Variants in RBFOX1 observed in about 807,000 individuals in gnomAD.
The protein encoded by RBFOX1 is RNA binding fox-1 homolog 1.
A neutral mutation model predicts 57.7 loss-of-function variants in RBFOX1; 8 were observed. The observed-to-expected ratio is 0.14, with a 90% CI of 0.08 to 0.25. RBFOX1 has a LOEUF of 0.25. RBFOX1 is among the 10% of genes least tolerant of loss of function. The pLI, the probability that RBFOX1 is intolerant of heterozygous loss-of-function variation, is 1.00. For synonymous variants in RBFOX1, 326 were observed against 222.4 expected, an observed-to-expected ratio of 1.47 and a Z score of -4.15; for missense variants, 611 against 548.5, an observed-to-expected ratio of 1.11 and a Z score of -1.14.
At chr16:6,760,254 A>G (rs1273276131) in intron 3 of RBFOX1, among the ~76,000 whole-genome samples, 2 of 152,212 alleles carry the variant, frequency 1.3e-5, no homozygotes, top group Non-Finnish European at 2.9e-5. Context: ...CAAATTGCAA[A>G]TGGTTTAAAA....
rs374340144 is a variant in RBFOX1, at chr16:6,752,549, T to C, written c.-16+97899T>C. On this transcript the variant is annotated intron_variant, in intron 3 of 15. Transcript: ENST00000550418. ...TCATCTTTGAAAGCAAGTTAGCGCA[T>C]TCCTAAAGAATAGAGTGATACTCTT... Among the ~76,000 whole-genome samples, 5 of 152,332 alleles carry C rather than the reference T, an allele frequency of 3.3e-5. No individual in the cohort carries two copies. In the East Asian group the frequency reaches 5.8e-4, roughly 18 times the overall value.
At chr16:5,524,321 C>A (rs9635551) in intron 2 of RBFOX1, among the ~76,000 whole-genome samples, 119,105 of 152,074 alleles carry the variant, frequency 0.78, 47,778 homozygotes, top group East Asian at 0.99. Context: ...CATCCCCATT[C>A]AACCTTTATT....
intron 3 of RBFOX1, among the ~76,000 whole-genome samples, chr16:5,745,774 C>G (rs1239449959): frequency 3.3e-5 from 5 of 152,156 alleles, no homozygotes; most frequent in African/African-American, 9.7e-5. Flanking sequence ...CCTTCACCCA[C>G]TTTTTGATGG....
intron 1 of RBFOX1, among the ~76,000 whole-genome samples, chr16:6,208,649 T>A (rs1217381624): frequency 1.3e-5 from 2 of 152,216 alleles, no homozygotes; most frequent in Non-Finnish European, 2.9e-5. Context: ...GTGGCCATGT[T>A]TTAATCGTTC....
chr16:6,730,378 C>T (rs184732816), intron 3 of RBFOX1, among the ~76,000 whole-genome samples: 1 of 141,570 alleles, frequency 7.1e-6, no homozygotes, highest in African/African-American at 2.8e-5. Flanking sequence ...TGGAATCTCT[C>T]TCTCTCTGTC....
chr16:7,634,388 G>T (rs866362561), intron 11 of RBFOX1, among the ~76,000 whole-genome samples: 10 of 141,920 alleles, frequency 7.0e-5, no homozygotes, highest in South Asian at 6.8e-4. Flanking sequence ...TTTGATGTTT[G>T]TTTTTTTTTT....
At chr16:5,493,641 G>T (rs758463530) in intron 2 of RBFOX1, among the ~76,000 whole-genome samples, 2 of 152,168 alleles carry the variant, frequency 1.3e-5, no homozygotes, top group African/African-American at 2.4e-5. Context: ...TGACAATACC[G>T]ATCTGTCAAG....
At chr16:6,356,810 C>A (rs1393562420) in intron 2 of RBFOX1, among the ~76,000 whole-genome samples, 1 of 152,174 alleles carries the variant, frequency 6.6e-6, no homozygotes, top group Non-Finnish European at 1.5e-5. Context: ...TGACAAATGT[C>A]CCCTTCCAAT....
At chr16:6,965,499 G>A (rs867140720) in intron 3 of RBFOX1, among the ~76,000 whole-genome samples, 1 of 152,056 alleles carries the variant, frequency 6.6e-6, no homozygotes, top group Non-Finnish European at 1.5e-5. Flanking sequence ...ACCATGCCTG[G>A]CTAATTTTTG....
chr16:6,808,231 A>T (rs953736736), intron 3 of RBFOX1, among the ~76,000 whole-genome samples: 3 of 151,124 alleles, frequency 2.0e-5, no homozygotes, highest in Non-Finnish European at 4.4e-5. Flanking sequence ...AGCTTCCAGC[A>T]TGTAGCCTTT....
rs569191446 is a variant in RBFOX1, at chr16:5,523,343, C to T, written c.258+56089C>T. 1.7e-4 allele frequency among the ~76,000 whole-genome samples: 26 copies of T among 151,208 alleles called. No homozygotes were observed. The South Asian group carries it at 3.7e-3, about 22-fold the overall frequency. On this transcript the variant is annotated intron_variant, in intron 2 of 2. Coordinates refer to the RBFOX1 transcript ENST00000585867. ...TGATGTACCAATTTCCAGCTGGGCG[C>T]GGTGGTTTATGCCTGTAATCCCACA... is the stretch of plus-strand genomic sequence containing the variant.
intron 4 of RBFOX1, among the ~76,000 whole-genome samples, chr16:7,353,553 C>G (rs2097164272): frequency 6.6e-6 from 1 of 152,072 alleles, no homozygotes; most frequent in Non-Finnish European, 1.5e-5. Context: ...AGCATGGAAA[C>G]AGGCTAAATG....
At chr16:7,023,832 C>G (rs572004128) in intron 3 of RBFOX1, among the ~76,000 whole-genome samples, 12 of 152,142 alleles carry the variant, frequency 7.9e-5, no homozygotes, top group Admixed American at 5.9e-4. Context: ...TTTAATCACC[C>G]AGATGTTAAA....
intron 14 of RBFOX1, among the ~76,000 whole-genome samples, chr16:7,678,294 A>T (rs1809484439): frequency 6.6e-6 from 1 of 152,190 alleles, no homozygotes; most frequent in African/African-American, 2.4e-5. Flanking sequence ...TCTCCAACAC[A>T]CTTTGACACT....
chr16:6,565,126 C>CAAA (rs34624731), intron 2 of RBFOX1, among the ~76,000 whole-genome samples: 8 of 98,242 alleles, frequency 8.1e-5, no homozygotes, highest in African/African-American at 1.6e-4. Context: ...ACTCTGTCTC[C>CAAA]AAAAAAAAAA....
chr16:7,357,251 C>T (rs1377512140), intron 4 of RBFOX1, among the ~76,000 whole-genome samples: 1 of 148,678 alleles, frequency 6.7e-6, no homozygotes, highest in East Asian at 2.0e-4. Flanking sequence ...AAAAAAAAAT[C>T]TCTTGGATGG....
intron 1 of RBFOX1, among the ~76,000 whole-genome samples, chr16:5,450,716 G>T (rs1157486196): frequency 6.6e-6 from 1 of 152,212 alleles, no homozygotes; most frequent in African/African-American, 2.4e-5. Context: ...CTGGAATTCG[G>T]CTCTGATGCC....
chr16:6,655,092 G>C (rs978346895), intron 3 of RBFOX1, among the ~76,000 whole-genome samples: 1 of 151,560 alleles, frequency 6.6e-6, no homozygotes, highest in African/African-American at 2.4e-5. Context: ...AAGAGCTCAC[G>C]GCCAGGTGTG....
At chr16:7,677,160 C>CACACACACACACACACACA (rs1555762483) in intron 14 of RBFOX1, among the ~76,000 whole-genome samples, 13 of 151,314 alleles carry the variant, frequency 8.6e-5, no homozygotes, top group Admixed American at 2.0e-4. Flanking sequence ...CACACACACA[C>CACACACACACACACACACA]CGTACAACCT....
Sources: allele counts gnomAD v4.1 joint callset (sites outside exome capture counted in the v4.1 genomes callset), GRCh38; gene constraint gnomAD v4.1.1; transcripts MANE v1.5; gene names NCBI Gene and HGNC (gene_info 2026-07-23, HGNC 2026-07-21).